The following MYH10 variants were observed in gnomAD, a reference collection of about 807,000 sequenced individuals.
MYH10 encodes the protein myosin heavy chain 10.
In MYH10, 55 loss-of-function variants were observed where a neutral mutation model predicts 257.8. The observed-to-expected ratio is 0.21, with a 90% confidence interval of 0.17 to 0.27. MYH10 has a LOEUF of 0.27. Among genes scored for constraint, MYH10 ranks in the 10% least tolerant of loss-of-function variants. The pLI, the probability that MYH10 is intolerant of heterozygous loss-of-function variation, is 1.00. For synonymous variants in MYH10, 854 were observed against 921.7 expected (o/e 0.93, Z 1.33); for missense variants, 1,631 against 2,500.6 (o/e 0.65, Z 7.42).
intron 2 of MYH10, among the ~76,000 whole-genome samples, chr17:8,611,173 G>A (rs2085024624): frequency 1.3e-5 from 2 of 152,138 alleles, no homozygotes; most frequent in African/African-American, 4.8e-5. Flanking sequence ...GGACCCTGAT[G>A]GCTACACCCT....
intron 9 of MYH10, among the ~76,000 whole-genome samples, chr17:8,550,345 G>A (rs1466317065): frequency 1.6e-4 from 23 of 146,276 alleles, no homozygotes; most frequent in East Asian, 6.1e-4. Flanking sequence ...CCGCCGCCCC[G>A]TCTGGGATGT....
chr17:8,526,673 A>G (rs2081858221), intron 17 of MYH10, among the ~76,000 whole-genome samples: 2 of 152,314 alleles, frequency 1.3e-5, no homozygotes, highest in African/African-American at 2.4e-5. Context: ...TCATCATGAA[A>G]CTGCCACCAA....
rs1238850483 is a variant in MYH10, at chr17:8,535,713, A to G, written c.1779+45T>C. ...CTTCATAAAAATGTAGCAAAATTTC[A>G]AACACAGCCATTTTAATCCAGTTAT... On this transcript the variant is annotated intron_variant, in intron 15 of 42. Transcript: ENST00000360416. This position sits in a 1 kb window ranked among gnomAD's most constrained non-coding sequence, Gnocchi z 4.3. 1.9e-6 allele frequency: 3 copies of G among 1,574,724 alleles called. No individual in the cohort carries two copies. In the Admixed American group the frequency reaches 5.5e-5, roughly 29 times the overall value.
chr17:8,490,478 C>T lies in MYH10; in HGVS notation c.4746G>A (p.Leu1582=). The T allele has an allele frequency of 6.2e-7, 1 of 1,614,242 alleles. No homozygotes were observed. Among genetic ancestry groups the T allele is most frequent in the Non-Finnish European group, 8.5e-7 (1 of 1,180,046 alleles). ...VEEMRTQLEE[L]EDELQATEDA... is the part of the protein sequence containing the mutation. ...CTTCCGTGGCCTGGAGTTCGTCTTC[C>T]AGCTCCTCCAGCTGGGTCCTCATTT... The change falls in exon 35 of 43, where the codon CTG becomes CTA. Residue 1582 remains leucine, a synonymous_variant. Coordinates refer to ENST00000360416, the MANE Select transcript of MYH10 (RefSeq NM_001256012.3). This position sits in a 1 kb window ranked among gnomAD's most constrained non-coding sequence, Gnocchi z 4.1.
rs1039422333 is a variant in MYH10, at chr17:8,566,025, C to T, written c.756+3695G>A. On this transcript the variant is annotated intron_variant, in intron 7 of 42. Coordinates refer to ENST00000360416, the MANE Select transcript of MYH10 (RefSeq NM_001256012.3). ...GTATTTTGGGCTCAATAATTCTAAG[C>T]GGTGGGGACTGTGCCATGCATTGGA... is the stretch of plus-strand genomic sequence containing the variant. Among the ~76,000 whole-genome samples the T allele has an allele frequency of 4.2e-4, 64 of 152,120 alleles. 1 individual carries two copies. The highest frequency in any genetic ancestry group is 1.5e-3 in the African/African-American group (61 of 41,418).
At chr17:8,585,080 T>C (rs1269699679) in intron 4 of MYH10, among the ~76,000 whole-genome samples, 1 of 151,770 alleles carries the variant, frequency 6.6e-6, no homozygotes, top group Non-Finnish European at 1.5e-5. Context: ...CAGCCTCAGG[T>C]GATCCGCCCA....
intron 4 of MYH10, among the ~76,000 whole-genome samples, chr17:8,582,021 C>T (rs550535365): frequency 3.2e-4 from 48 of 152,226 alleles, no homozygotes; most frequent in South Asian, 2.1e-3. Context: ...GCACTGTCCT[C>T]GCCAAAAGGC....
At chr17:8,551,215 C>T (rs951754545) in intron 9 of MYH10, among the ~76,000 whole-genome samples, 2 of 151,178 alleles carry the variant, frequency 1.3e-5, no homozygotes, top group Non-Finnish European at 2.9e-5. Flanking sequence ...GTCTGAAAGC[C>T]TGAGCATTTT....
chr17:8,600,459 G>A (rs2084548784), intron 3 of MYH10, among the ~76,000 whole-genome samples: 2 of 152,152 alleles, frequency 1.3e-5, no homozygotes, highest in South Asian at 4.1e-4. Context: ...TAGAACTACT[G>A]AAACATTATC....
intron 17 of MYH10, among the ~76,000 whole-genome samples, chr17:8,524,268 C>G (rs945558320): frequency 1.3e-5 from 2 of 151,818 alleles, no homozygotes; most frequent in African/African-American, 4.8e-5. Flanking sequence ...TGGTGAAAAC[C>G]TGTCTCTACT....
rs180692572 is a variant in MYH10 at position 8,593,049 on chromosome 17, T to C, written c.503-3941A>G. ...AGTTCAACATCCCAAAGGTGAATAA[T>C]CTAATTCATCACATCAACAGACTTA... is the stretch of plus-strand genomic sequence containing the variant. On this transcript the variant is annotated intron_variant, in intron 3 of 42. Coordinates refer to ENST00000360416, the MANE Select transcript of MYH10 (RefSeq NM_001256012.3). Among the ~76,000 whole-genome samples, 35 of 146,028 alleles carry C rather than the reference T, an allele frequency of 2.4e-4. No individual in the cohort carries two copies. In the East Asian group the frequency reaches 6.5e-3, roughly 27 times the overall value.
Position 8,535,603 on chromosome 17 carries a change from C to T in MYH10, c.1780-102G>A, listed in dbSNP as rs1217367744. On this transcript the variant is annotated intron_variant, in intron 15 of 42. Transcript: ENST00000360416. The surrounding 1 kb of genome is among the most constrained non-coding windows in gnomAD (Gnocchi z 4.3). ...CAACCAGAAACTTTTATACAACAGT[C>T]CCCAAAATGGGCTGTCTGAAAGACA... The T allele has an allele frequency of 1.3e-5, 16 of 1,256,072 alleles. No individual in the cohort carries two copies. The East Asian group carries it at 3.5e-4, about 28-fold the overall frequency. The allele number at this position is 1,256,072 out of a possible 1,614,324, so 77.8% of individuals were successfully genotyped here.
intron 30 of MYH10, among the ~76,000 whole-genome samples, 167 bp from the exon 31 acceptor site, chr17:8,495,408 G>A (rs1480353792): frequency 2.6e-5 from 4 of 151,946 alleles, no homozygotes; most frequent in African/African-American, 7.3e-5. Context: ...GCCTTCAAAC[G>A]GAGCTCAAAT....
In MYH10 at chr17:8,518,671, T is replaced by C; in HGVS notation, c.2464A>G (p.Ile822Val). Residue 822 changes from isoleucine to valine, a missense_variant, in exon 21 of 43, where the codon ATC becomes GTC. Physicochemically the swap from Ile to Val is conservative, Grantham distance 29. Around this residue, in one of 11 missense-constraint regions of MYH10, gnomAD observed 116 missense variants for 221.6 expected, o/e 0.52. Transcript: ENST00000360416. ...CCTCTGCAAACGGCCTGGAAGAAGA[T>C]AATGATATCGGTGATTTTTAAATCT... The part of the protein sequence containing the change: ...ERDLKITDII[I>V]FFQAVCRGYL... 6.2e-7 allele frequency: 1 copy of C among 1,613,892 alleles called. No individual in the cohort carries two copies. Among genetic ancestry groups the C allele is most frequent in the Non-Finnish European group, 8.5e-7 (1 of 1,179,954 alleles).
Position 8,476,731 on chromosome 17 carries a change from C to G in MYH10, c.5879+145G>C, listed in dbSNP as rs1912701330. On this transcript the variant is annotated intron_variant, in intron 42 of 42. Coordinates refer to ENST00000360416, the MANE Select transcript of MYH10 (RefSeq NM_001256012.3). ...TCTCCCCAAGGACGACTATAAAGGTCAGAAATCTTAAATGAAGTGGTTCGG... is the reference window on the plus strand; with the variant it reads ...TCTCCCCAAGGACGACTATAAAGGTGAGAAATCTTAAATGAAGTGGTTCGG... 5.2e-6 allele frequency: 5 copies of G among 955,276 alleles called. No individual in the cohort carries two copies. The South Asian group carries it at 8.6e-5, about 16-fold the overall frequency. 59.2% of individuals were successfully genotyped at this position (955,276 alleles called of 1,614,324 possible). A position where few individuals can be genotyped will look rare whatever the true frequency, so the allele number is the denominator to read the frequency against.
chr17:8,538,468 C>T (rs991730123), intron 14 of MYH10, among the ~76,000 whole-genome samples: 6 of 152,214 alleles, frequency 3.9e-5, no homozygotes, highest in African/African-American at 1.4e-4. Context: ...CCTTGGCCTC[C>T]CAAAGTGTTG....
At chr17:8,527,865 G>A (rs2081899020) in intron 17 of MYH10, among the ~76,000 whole-genome samples, 1 of 152,188 alleles carries the variant, frequency 6.6e-6, no homozygotes, top group African/African-American at 2.4e-5. Flanking sequence ...AAAAAACAGG[G>A]AGGAGGAGAA....
At chr17:8,551,320 G>T (rs2082636892) in intron 9 of MYH10, among the ~76,000 whole-genome samples, 1 of 151,922 alleles carries the variant, frequency 6.6e-6, no homozygotes, top group African/African-American at 2.4e-5. Context: ...TCCCTTGCAG[G>T]TCATTCTCTG....
chr17:8,571,377 T>C (rs2083336744), intron 6 of MYH10, among the ~76,000 whole-genome samples: 2 of 150,876 alleles, frequency 1.3e-5, no homozygotes, highest in Admixed American at 6.6e-5. Flanking sequence ...GGTTTCACCA[T>C]GTTAGCCAGG....
Sources: gnomAD v4.1 joint callset for allele counts (sites outside exome capture counted in the v4.1 genomes callset) on GRCh38, gnomAD v4.1.1 for gene constraint, gnomAD v4.1.1 regional missense constraint, Gnocchi (gnomAD v3.1) non-coding constraint, MANE v1.5 for transcripts, NCBI Gene and HGNC (gene_info 2026-07-23, HGNC 2026-07-21) for gene names.